The following MBNL2 variants were observed in gnomAD, a reference collection of about 807,000 sequenced individuals.
The protein encoded by MBNL2 is muscleblind like splicing regulator 2, also known as muscleblind-like protein 2.
MBNL2 carries 17 observed loss-of-function variants against 41.9 expected under a neutral mutation model. The observed-to-expected ratio is 0.41, with a 90% CI of 0.28 to 0.61. The LOEUF (loss-of-function observed/expected upper bound fraction) is 0.61. Among genes scored for constraint, MBNL2 ranks in the 20% least tolerant of loss-of-function variants. The pLI, the probability that MBNL2 is intolerant of heterozygous loss-of-function variation, is 0.35. For synonymous variants in MBNL2, 195 were observed against 182.9 expected (o/e 1.07, Z -0.53); for missense variants, 336 against 505.6 (o/e 0.66, Z 3.22).
the MBNL2 span, among the ~76,000 whole-genome samples, chr13:97,214,566 T>C: frequency 2.6e-5 from 4 of 152,136 alleles, no homozygotes; most frequent in Non-Finnish European, 1.5e-5. Flanking sequence ...ACTGGACCCA[T>C]GTTCAGCCTG....
chr13:97,344,998 G>C (rs767227747), intron 4 of MBNL2, among the ~76,000 whole-genome samples: 6 of 152,192 alleles, frequency 3.9e-5, no homozygotes, highest in South Asian at 2.1e-4. Flanking sequence ...ATGGAGGAAG[G>C]CTTGCTCAGA....
chr13:97,249,702 G>A (rs1461820014), intron 1 of MBNL2, among the ~76,000 whole-genome samples: 1 of 152,102 alleles, frequency 6.6e-6, no homozygotes, highest in Non-Finnish European at 1.5e-5. Flanking sequence ...CTAGAAGTGC[G>A]AGCTTTAGGA....
the MBNL2 span, among the ~76,000 whole-genome samples, chr13:97,184,202 A>G: frequency 6.6e-6 from 1 of 152,206 alleles, no homozygotes; most frequent in Non-Finnish European, 1.5e-5. Flanking sequence ...ATCCTACAAG[A>G]TATAGAGAGT....
intron 5 of MBNL2, among the ~76,000 whole-genome samples, chr13:97,354,447 G>A (rs916654784): frequency 8.6e-5 from 13 of 151,900 alleles, no homozygotes; most frequent in African/African-American, 1.5e-4. Flanking sequence ...TGCACACCCC[G>A]CCCTCCAAGA....
chr13:97,218,137 A>T (rs1333742345), upstream of MBNL2, among the ~76,000 whole-genome samples: 1 of 152,172 alleles, frequency 6.6e-6, no homozygotes, highest in Non-Finnish European at 1.5e-5. Context: ...CCGGCTGGGC[A>T]CAGTGGCTCA....
intron 5 of MBNL2, among the ~76,000 whole-genome samples, chr13:97,354,327 AT>A (rs2062794726): frequency 6.6e-6 from 1 of 152,262 alleles, no homozygotes; most frequent in Non-Finnish European, 1.5e-5. Context: ...AAAACTGAGC[AT>A]CTGTATATGA....
At chr13:97,379,375 A>G (rs1454277978) in intron 8 of MBNL2, among the ~76,000 whole-genome samples, 2 of 152,186 alleles carry the variant, frequency 1.3e-5, no homozygotes, top group Non-Finnish European at 2.9e-5. Context: ...AGTCCTCTCA[A>G]TCGAGACTCA....
intron 1 of MBNL2, among the ~76,000 whole-genome samples, chr13:97,241,628 A>G (rs536484040): frequency 2.6e-5 from 4 of 152,358 alleles, no homozygotes; most frequent in East Asian, 1.9e-4. Flanking sequence ...AAGTGAAACA[A>G]TCATGATTGG....
intron 2 of MBNL2, among the ~76,000 whole-genome samples, chr13:97,295,524 A>G (rs938119560): frequency 1.3e-5 from 2 of 152,124 alleles, no homozygotes; most frequent in African/African-American, 4.8e-5. Flanking sequence ...TTAACACCAT[A>G]CTTGGTTCAT....
the MBNL2 span, among the ~76,000 whole-genome samples, chr13:97,165,389 T>G: frequency 6.6e-6 from 1 of 152,192 alleles, no homozygotes; most frequent in Admixed American, 6.5e-5. Flanking sequence ...TAAACTCTAT[T>G]ATCTAAAGCA....
chr13:97,167,640 A>G, the MBNL2 span, among the ~76,000 whole-genome samples: 3 of 152,320 alleles, frequency 2.0e-5, no homozygotes, highest in South Asian at 2.1e-4. Context: ...ATAGCTAATT[A>G]CCAATCTAAT....
intron 8 of MBNL2, among the ~76,000 whole-genome samples, chr13:97,365,473 C>G (rs113157671): frequency 3.4e-4 from 52 of 152,264 alleles, no homozygotes; most frequent in African/African-American, 1.2e-3. Flanking sequence ...GCGTAAGGAA[C>G]AGAGCTTACT....
At chr13:97,344,129 A>G (rs2153083646) in intron 4 of MBNL2, among the ~76,000 whole-genome samples, 1 of 152,330 alleles carries the variant, frequency 6.6e-6, no homozygotes, top group South Asian at 2.1e-4. Flanking sequence ...ATTAATTGAG[A>G]TATTTTCTTT....
intron 8 of MBNL2, among the ~76,000 whole-genome samples, chr13:97,370,083 C>T (rs1344335671): frequency 1.3e-5 from 2 of 151,986 alleles, no homozygotes; most frequent in Non-Finnish European, 2.9e-5. Context: ...AGGATAGTTA[C>T]GTATAGATGT....
At chr13:97,258,746 T>C (rs2152867381) in intron 1 of MBNL2, among the ~76,000 whole-genome samples, 1 of 152,286 alleles carries the variant, frequency 6.6e-6, no homozygotes, top group Middle Eastern at 3.4e-3. Context: ...TGGGGCTGGA[T>C]GTGGAAAGAG....
chr13:97,142,852 A>G, the MBNL2 span, among the ~76,000 whole-genome samples: 1 of 152,154 alleles, frequency 6.6e-6, no homozygotes, highest in Non-Finnish European at 1.5e-5. Flanking sequence ...TTGCTTTTTT[A>G]TCTTAGACTT....
chr13:97,386,933 G>C (rs1332095025), intron 8 of MBNL2, among the ~76,000 whole-genome samples: 4 of 151,962 alleles, frequency 2.6e-5, no homozygotes, highest in Non-Finnish European at 5.9e-5. Context: ...TGAAGATTTA[G>C]AAAAGTACTC....
chr13:97,168,795 T>A, the MBNL2 span, among the ~76,000 whole-genome samples: 1 of 152,250 alleles, frequency 6.6e-6, no homozygotes, highest in Non-Finnish European at 1.5e-5. Flanking sequence ...TGCCAAGTCA[T>A]GTTTTACAGA....
intron 1 of MBNL2, among the ~76,000 whole-genome samples, chr13:97,263,431 G>A (rs2049038748): frequency 1.3e-5 from 2 of 152,132 alleles, no homozygotes; most frequent in Admixed American, 1.3e-4. Flanking sequence ...GGCAGACAAA[G>A]CCCCTATGTC....
Sources: allele counts gnomAD v4.1 joint callset (sites outside exome capture counted in the v4.1 genomes callset), GRCh38; gene constraint gnomAD v4.1.1; transcripts MANE v1.5; gene names NCBI Gene and HGNC (gene_info 2026-07-23, HGNC 2026-07-21).